Variants in ZNF565 observed in about 807,000 individuals in gnomAD.
ZNF565 encodes the protein zinc finger protein 565.
In ZNF565, 27 loss-of-function variants were observed where a neutral mutation model predicts 39.4. That is an observed-to-expected ratio of 0.69 (90% CI 0.51 to 0.95). The LOEUF is 0.95. Ranked by LOEUF, ZNF565 falls within the 40% of genes least tolerant of loss-of-function variation. The probability of loss-of-function intolerance (pLI) is 0.00; values close to 1 mark genes in which losing one functional copy is unlikely to be tolerated. For synonymous variants in ZNF565, 185 were observed against 216.6 expected (o/e 0.85, Z 1.28); for missense variants, 524 against 621.1 (o/e 0.84, Z 1.66).
At chr19:36,218,378 C>CA (rs368784054), upstream of ZNF565, among the ~76,000 whole-genome samples, 4,712 of 150,816 alleles carry the variant, frequency 0.031, 210 homozygotes, top group African/African-American at 0.11. Context: ...TTACTAGCTG[C>CA]AAAAAAAATG....
At chr19:36,186,478 C>T (rs1975303660) in intron 4 of ZNF565, among the ~76,000 whole-genome samples, 1 of 152,190 alleles carries the variant, frequency 6.6e-6, no homozygotes, top group African/African-American at 2.4e-5. Context: ...GAAATACTGC[C>T]TTTTTCACTA....
intron 1 of ZNF565, chr19:36,236,140 C>A: frequency 3.2e-6 from 1 of 314,636 alleles, no homozygotes; most frequent in Non-Finnish European, 5.8e-6. Context: ...ATTGACAAGC[C>A]CTTAGCTAGA....
At chr19:36,239,728 C>T (rs1304110362) in intron 1 of ZNF565, among the ~76,000 whole-genome samples, 1 of 152,150 alleles carries the variant, frequency 6.6e-6, no homozygotes, top group Non-Finnish European at 1.5e-5. Context: ...AGCTCTGTCA[C>T]TCCTCCCACT....
In ZNF565 at chr19:36,195,048, C is replaced by A. The variant is rs202193717; in HGVS notation, c.118G>T (p.Gly40Cys). Residue 40 changes from glycine (G) to cysteine (C), a missense_variant, in exon 3 of 5, where the codon GGT (glycine) becomes TGT (cysteine). Transcript: ENST00000304116. ...TCCTTACCTAGTGAGGCCAAGTGACCAAAGTTCTCCAGAGTCACCTCCCTG... is the reference window on the plus strand; with the variant it reads ...TCCTTACCTAGTGAGGCCAAGTGACAAAAGTTCTCCAGAGTCACCTCCCTG... ...LYREVTLENFGHLASLGLSIS... is the reference protein window; with the variant it reads ...LYREVTLENFCHLASLGLSIS... The A allele has an allele frequency of 6.3e-5, 102 of 1,614,086 alleles. No individual in the cohort carries two copies. In the Admixed American group the frequency reaches 1.3e-3, roughly 21 times the overall value.
chr19:36,234,632 C>T (rs1977566441), intron 1 of ZNF565, among the ~76,000 whole-genome samples: 1 of 152,162 alleles, frequency 6.6e-6, no homozygotes, highest in African/African-American at 2.4e-5. Flanking sequence ...CTCCTGACCT[C>T]GTGATCCGCC....
intron 4 of ZNF565, among the ~76,000 whole-genome samples, chr19:36,186,255 T>G (rs1433105585): frequency 6.6e-6 from 1 of 152,174 alleles, no homozygotes; most frequent in African/African-American, 2.4e-5. Flanking sequence ...CGCCTTGGCT[T>G]CTAAAAGTAT....
rs143623689 is a variant in ZNF565 at position 36,201,933 on chromosome 19, C to T, written c.9+44G>A. 2,583 of 1,609,268 alleles carry T rather than the reference C, an allele frequency of 1.6e-3. 2 individuals are homozygous for T. The highest frequency in any genetic ancestry group is 1.7e-3 in the Non-Finnish European group (2,001 of 1,176,820). ...AGAACACAGTGTCCATATAATCTGGCGGGAAGACAGATCATTCTAAGGATA... is the reference window on the plus strand; with the variant it reads ...AGAACACAGTGTCCATATAATCTGGTGGGAAGACAGATCATTCTAAGGATA... On this transcript the variant is annotated intron_variant, in intron 2 of 4. Coordinates refer to ENST00000304116, the MANE Select transcript of ZNF565 (RefSeq NM_152477.5).
intron 1 of ZNF565, among the ~76,000 whole-genome samples, chr19:36,243,605 G>C (rs1977833770): frequency 6.6e-6 from 1 of 152,210 alleles, no homozygotes; most frequent in African/African-American, 2.4e-5. Context: ...TCTCAGAGCT[G>C]TGTGATGGGT....
intron 4 of ZNF565, among the ~76,000 whole-genome samples, chr19:36,189,837 G>C (rs1966917222): frequency 1.3e-5 from 2 of 151,832 alleles, no homozygotes. Flanking sequence ...ATTTTGTTTT[G>C]TTTTGTTTTT....
intron 2 of ZNF565, among the ~76,000 whole-genome samples, chr19:36,201,362 G>C (rs1435150795): frequency 2.0e-5 from 3 of 152,116 alleles, no homozygotes; most frequent in African/African-American, 7.2e-5. Context: ...TGGAAAAGAT[G>C]AAACTACTTT....
intron 4 of ZNF565, among the ~76,000 whole-genome samples, chr19:36,190,462 G>A (rs924944063): frequency 1.3e-5 from 2 of 151,590 alleles, no homozygotes; most frequent in African/African-American, 4.8e-5. Context: ...TGTAATCCCA[G>A]CTACTCGGGA....
chr19:36,235,163 C>T (rs907674439), intron 1 of ZNF565, among the ~76,000 whole-genome samples: 4 of 150,972 alleles, frequency 2.6e-5, no homozygotes, highest in South Asian at 4.2e-4. Context: ...GAGCCGAGAT[C>T]GCACCACTGC....
rs532671039 is a variant in ZNF565, at chr19:36,237,218, A to G, written c.55+8258T>C. 2.5e-6 allele frequency: 4 copies of G among 1,614,152 alleles called. No individual in the cohort carries two copies. On this transcript the variant is annotated intron_variant, in intron 1 of 4. Transcript: ENST00000355114. ...GTTCTCAACCCTTGCTCTGCATTTG[A>G]GAATACACACAGGTAAGAAGCCTTA...
chr19:36,183,930 T>G (rs909235406), intron 4 of ZNF565, among the ~76,000 whole-genome samples, 197 bp from the exon 5 acceptor site: 5 of 151,234 alleles, frequency 3.3e-5, no homozygotes, highest in African/African-American at 1.2e-4. Flanking sequence ...ATACAAAAAT[T>G]AGCCACACTT....
At chr19:36,198,310 A>C (rs1356145653) in intron 2 of ZNF565, among the ~76,000 whole-genome samples, 1 of 152,194 alleles carries the variant, frequency 6.6e-6, no homozygotes, top group African/African-American at 2.4e-5. Context: ...AGCCACAAAA[A>C]GAATGAGATC....
At chr19:36,193,803 T>C (rs534583246) in intron 4 of ZNF565, among the ~76,000 whole-genome samples, 5 of 152,138 alleles carry the variant, frequency 3.3e-5, no homozygotes, top group Admixed American at 3.3e-4. Flanking sequence ...CTAGGTACCA[T>C]GGTTCACACC....
intron 1 of ZNF565, among the ~76,000 whole-genome samples, chr19:36,229,539 G>A (rs943851336): frequency 1.1e-4 from 16 of 152,038 alleles, no homozygotes; most frequent in African/African-American, 3.1e-4. Context: ...TCACGTTTAC[G>A]CGTGTCACGT....
In ZNF565 at chr19:36,182,972, C is replaced by T. The variant is rs768611606; in HGVS notation, c.994G>A (p.Glu332Lys). The change falls in exon 5 of 5, where the codon GAG becomes AAG. Residue 332 changes from glutamate (E) to lysine (K), a missense_variant. Physicochemically the swap from Glu to Lys is moderately conservative, Grantham distance 56. Coordinates refer to ENST00000304116, the MANE Select transcript of ZNF565 (RefSeq NM_152477.5). ...LTVHQRIHTG[E>K]KPYECKECGK... ...CATTCCTTACACTCGTAGGGTTTCT[C>T]ACCAGTGTGGATTCGCTGGTGTACA... 3 of 1,614,194 alleles carry T rather than the reference C, an allele frequency of 1.9e-6. No homozygotes were observed. The highest frequency in any genetic ancestry group is 2.5e-6 in the Non-Finnish European group (3 of 1,180,044).
chr19:36,233,942 CT>C (rs1977521296), intron 1 of ZNF565, among the ~76,000 whole-genome samples: 1 of 152,202 alleles, frequency 6.6e-6, no homozygotes, highest in Admixed American at 6.5e-5. Context: ...ACGGTCAGGT[CT>C]TTCCCTTCCC....
Sources: allele counts gnomAD v4.1 joint callset (sites outside exome capture counted in the v4.1 genomes callset), GRCh38; gene constraint gnomAD v4.1.1; transcripts MANE v1.5; gene names NCBI Gene and HGNC (gene_info 2026-07-23, HGNC 2026-07-21).